The following PDE4D variants were observed in gnomAD, a reference collection of about 807,000 sequenced individuals.
PDE4D encodes the protein 3',5'-cyclic-AMP phosphodiesterase 4D.
PDE4D carries 24 observed loss-of-function variants against 87.4 expected under a neutral mutation model. That is an observed-to-expected ratio of 0.27 (90% CI 0.20 to 0.39). The LOEUF (loss-of-function observed/expected upper bound fraction) is 0.39. PDE4D is among the 10% of genes least tolerant of loss of function. The pLI is 1.00. For synonymous variants in PDE4D, 384 were observed against 383.2 expected (o/e 1.00, Z -0.02); for missense variants, 714 against 1,041.0 (o/e 0.69, Z 4.32).
At chr5:59,193,461 A>T (rs777597869) in intron 3 of PDE4D, 39 bp downstream of exon 3, 2 of 1,587,566 alleles carry the variant, frequency 1.3e-6, no homozygotes, top group South Asian at 2.2e-5. Context: ...AAATTTTTAC[A>T]TCTGTGAGAA....
chr5:60,437,815 A>C (rs556871427), intron 1 of PDE4D, among the ~76,000 whole-genome samples: 2 of 152,232 alleles, frequency 1.3e-5, no homozygotes, highest in South Asian at 4.1e-4. Context: ...ATAAAAGCTT[A>C]TGTTTCCATA....
intron 2 of PDE4D, among the ~76,000 whole-genome samples, chr5:60,124,506 C>A (rs1326987289): frequency 2.6e-5 from 4 of 152,100 alleles, no homozygotes; most frequent in African/African-American, 9.7e-5. Flanking sequence ...CTGCAGCCCC[C>A]ATCACATTTA....
chr5:59,627,080 C>G (rs1265456430), intron 1 of PDE4D, among the ~76,000 whole-genome samples: 1 of 152,126 alleles, frequency 6.6e-6, no homozygotes, highest in African/African-American at 2.4e-5. Flanking sequence ...AATGAAGGGT[C>G]TACTCTACAA....
At chr5:60,464,199 A>G (rs1747174089) in intron 1 of PDE4D, among the ~76,000 whole-genome samples, 1 of 152,224 alleles carries the variant, frequency 6.6e-6, no homozygotes, top group African/African-American at 2.4e-5. Flanking sequence ...AAAGGGAAAG[A>G]AACACTGCCA....
chr5:59,312,409 T>G (rs1024353910), intron 1 of PDE4D, among the ~76,000 whole-genome samples: 6 of 152,180 alleles, frequency 3.9e-5, no homozygotes, highest in Non-Finnish European at 1.5e-5. Flanking sequence ...GTTCCCCAGC[T>G]GGACCCCAAT....
At chr5:59,892,853 G>T (rs1751157597) in intron 1 of PDE4D, among the ~76,000 whole-genome samples, 1 of 151,806 alleles carries the variant, frequency 6.6e-6, no homozygotes, top group Admixed American at 6.6e-5. Flanking sequence ...AGTGGGTGGG[G>T]AGAGGGCTGG....
chr5:60,128,322 T>G (rs547273339), intron 2 of PDE4D, among the ~76,000 whole-genome samples: 1 of 152,344 alleles, frequency 6.6e-6, no homozygotes, highest in Non-Finnish European at 1.5e-5. Context: ...TAGAGTGCAG[T>G]ATCATCTGAC....
At chr5:60,089,391 T>C (rs1000345967) in intron 2 of PDE4D, among the ~76,000 whole-genome samples, 3 of 151,922 alleles carry the variant, frequency 2.0e-5, no homozygotes, top group East Asian at 1.9e-4. Flanking sequence ...AGAAGGAACA[T>C]TGGAAACTGT....
At chr5:60,396,244 GA>G (rs1213361891) in intron 1 of PDE4D, among the ~76,000 whole-genome samples, 3 of 152,168 alleles carry the variant, frequency 2.0e-5, no homozygotes, top group African/African-American at 7.2e-5. Flanking sequence ...TTTATTATTA[GA>G]CAACATTTTG....
intron 1 of PDE4D, among the ~76,000 whole-genome samples, chr5:59,300,461 C>T (rs148326855): frequency 3.3e-5 from 5 of 152,136 alleles, no homozygotes; most frequent in African/African-American, 1.2e-4. Context: ...TCCTAAATTC[C>T]GAGTTAATGT....
At chr5:59,873,986 G>A (rs1239792296) in intron 1 of PDE4D, among the ~76,000 whole-genome samples, 6 of 152,180 alleles carry the variant, frequency 3.9e-5, no homozygotes, top group African/African-American at 2.4e-5. Context: ...TGAGGTGGGA[G>A]GACTGCTTGA....
intron 5 of PDE4D, among the ~76,000 whole-genome samples, chr5:59,140,551 A>G (rs1777741333): frequency 6.6e-6 from 1 of 152,220 alleles, no homozygotes; most frequent in South Asian, 2.1e-4. Flanking sequence ...GGTAAACCAA[A>G]ATCAGAGAGT....
At chr5:59,373,055 G>T (rs1784181602) in intron 1 of PDE4D, among the ~76,000 whole-genome samples, 1 of 150,836 alleles carries the variant, frequency 6.6e-6, no homozygotes, top group Non-Finnish European at 1.5e-5. Context: ...AACATTAAAG[G>T]TAGAAAAGTC....
chr5:59,820,974 G>A (rs1769575653), intron 1 of PDE4D, among the ~76,000 whole-genome samples: 1 of 152,154 alleles, frequency 6.6e-6, no homozygotes, highest in African/African-American at 2.4e-5. Flanking sequence ...GCTCACACCT[G>A]TAATCCCAGC....
At chr5:59,610,961 G>T (rs1828924664) in intron 1 of PDE4D, among the ~76,000 whole-genome samples, 1 of 152,106 alleles carries the variant, frequency 6.6e-6, no homozygotes, top group Admixed American at 6.6e-5. Flanking sequence ...GGAAGAAATG[G>T]GATCTAGACC....
chr5:60,337,388 TACACACACACACACAC>T (rs370108536), intron 1 of PDE4D, among the ~76,000 whole-genome samples: 1 of 89,472 alleles, frequency 1.1e-5, no homozygotes, highest in African/African-American at 4.3e-5. Flanking sequence ...TATATATATA[TACACACACACACACAC>T]ACATATATCA....
chr5:60,406,300 C>T (rs1377579777), intron 1 of PDE4D, among the ~76,000 whole-genome samples: 1 of 151,928 alleles, frequency 6.6e-6, no homozygotes, highest in Non-Finnish European at 1.5e-5. Flanking sequence ...CTGAAATGCA[C>T]AATTAATTTT....
At chr5:59,227,506 A>G (rs1205075534) in intron 1 of PDE4D, among the ~76,000 whole-genome samples, 3 of 152,226 alleles carry the variant, frequency 2.0e-5, no homozygotes, top group African/African-American at 7.2e-5. Flanking sequence ...TTACCTGACA[A>G]AAGTCTAATA....
intron 1 of PDE4D, among the ~76,000 whole-genome samples, chr5:59,410,006 G>A (rs571539953): frequency 1.3e-5 from 2 of 152,136 alleles, no homozygotes; most frequent in Non-Finnish European, 2.9e-5. Flanking sequence ...CATACAGTGT[G>A]TAATAATCAC....
Sources: allele counts gnomAD v4.1 joint callset (sites outside exome capture counted in the v4.1 genomes callset), GRCh38; gene constraint gnomAD v4.1.1; transcripts MANE v1.5; gene names NCBI Gene and HGNC (gene_info 2026-07-23, HGNC 2026-07-21).